The following SLC16A12 variants were observed in gnomAD, a reference collection of about 807,000 sequenced individuals.
The protein encoded by SLC16A12 is solute carrier family 16 member 12, also known as monocarboxylate transporter 12.
SLC16A12 carries 17 observed loss-of-function variants against 42.4 expected under a neutral mutation model. The ratio of observed to expected loss-of-function variants is 0.40; its 90% CI spans 0.27 to 0.60. The LOEUF (loss-of-function observed/expected upper bound fraction) is 0.60. Among genes scored for constraint, SLC16A12 ranks in the 20% least tolerant of loss-of-function variants. SLC16A12 has a pLI of 0.42. For missense variants in SLC16A12, 544 were observed against 623.0 expected, an observed-to-expected ratio of 0.87 and a Z score of 1.35; for synonymous variants, 224 against 229.4, an observed-to-expected ratio of 0.98 and a Z score of 0.21.
intron 2 of SLC16A12, among the ~76,000 whole-genome samples, chr10:89,512,744 A>G (rs1843184149): frequency 2.0e-5 from 3 of 152,134 alleles, no homozygotes; most frequent in Admixed American, 2.0e-4. Flanking sequence ...CTGCTAATCT[A>G]GTAAGTAGAT....
intron 2 of SLC16A12, among the ~76,000 whole-genome samples, chr10:89,508,044 T>C (rs111288780): frequency 0.039 from 5,886 of 152,260 alleles, 143 homozygotes; most frequent in Non-Finnish European, 0.042. Context: ...TAACTATATA[T>C]GCATCCAAAC....
chr10:89,504,619 A>G (rs1484938201), intron 2 of SLC16A12, among the ~76,000 whole-genome samples: 1 of 152,206 alleles, frequency 6.6e-6, no homozygotes, highest in African/African-American at 2.4e-5. Context: ...AAAATTACAG[A>G]ATATACAGTG....
chr10:89,521,088 G>A (rs561918319), intron 2 of SLC16A12, among the ~76,000 whole-genome samples: 1 of 152,350 alleles, frequency 6.6e-6, no homozygotes, highest in East Asian at 1.9e-4. Context: ...CTCATGGAAG[G>A]TGATATCTGT....
chr10:89,552,311 T>C (rs1843775621), intron 2 of SLC16A12, among the ~76,000 whole-genome samples: 1 of 152,250 alleles, frequency 6.6e-6, no homozygotes, highest in Non-Finnish European at 1.5e-5. Context: ...AAAGCATGTG[T>C]TATTAATACT....
intron 2 of SLC16A12, among the ~76,000 whole-genome samples, chr10:89,485,353 G>A (rs1842728715): frequency 6.6e-6 from 1 of 152,180 alleles, no homozygotes; most frequent in Admixed American, 6.5e-5. Context: ...GAAACTATGT[G>A]GCTTCAACAA....
rs1841700705 is a variant in SLC16A12, at chr10:89,431,902, G to A, written c.*1162C>T. The A allele has an allele frequency of 6.6e-6, 1 of 152,214 alleles. No individual in the cohort carries two copies. The highest frequency in any genetic ancestry group is 6.5e-5 in the Admixed American group (1 of 15,286). 9.4% of individuals were successfully genotyped at this position (152,214 alleles called of 1,614,324 possible). A position where few individuals can be genotyped will look rare whatever the true frequency, so the allele number is the denominator to read the frequency against. ...TAGATTTCTAATTATTATCTATAAAGAGATGAAGAGCAGTGGATAGTGGAA... is the reference window on the plus strand; with the variant it reads ...TAGATTTCTAATTATTATCTATAAAAAGATGAAGAGCAGTGGATAGTGGAA... On this transcript the variant is annotated 3_prime_UTR_variant, in exon 8 of 8. Coordinates refer to ENST00000371790, the MANE Select transcript of SLC16A12 (RefSeq NM_213606.4).
rs763905337 is a variant in SLC16A12, at chr10:89,436,069, G to A, written c.1279C>T (p.Pro427Ser). ...CTCTCTGGAAACTTACCTGCGATGG[G>A]TGGGCTCACCAAGTATGGCACTGCG... ...LHAVPYLVSP[P>S]IAGRLVDTTG... is the part of the protein sequence containing the mutation. Residue 427 changes from proline to serine, a missense_variant, in exon 7 of 8, where the codon CCC becomes TCC. Physicochemically the swap from Pro to Ser is moderately conservative, Grantham distance 74 (BLOSUM62 -1). Coordinates refer to ENST00000371790, the MANE Select transcript of SLC16A12 (RefSeq NM_213606.4). 6.2e-7 allele frequency: 1 copy of A among 1,613,782 alleles called. No individual in the cohort carries two copies. The highest frequency in any genetic ancestry group is 8.5e-7 in the Non-Finnish European group (1 of 1,179,816).
chr10:89,524,633 T>C (rs1344336621), intron 2 of SLC16A12, among the ~76,000 whole-genome samples: 2 of 152,212 alleles, frequency 1.3e-5, no homozygotes, highest in African/African-American at 4.8e-5. Context: ...ATGGGACTCA[T>C]TCCAATGCTG....
intron 2 of SLC16A12, among the ~76,000 whole-genome samples, chr10:89,544,432 G>C (rs113409461): frequency 6.6e-6 from 1 of 152,084 alleles, no homozygotes; most frequent in African/African-American, 2.4e-5. Flanking sequence ...GGATCAGTTC[G>C]ATCTACTGGT....
intron 2 of SLC16A12, among the ~76,000 whole-genome samples, chr10:89,529,301 G>A (rs1041948963): frequency 6.6e-6 from 1 of 151,862 alleles, no homozygotes; most frequent in Admixed American, 6.6e-5. Flanking sequence ...AGTAATTATG[G>A]CCCTAATTTA....
intron 2 of SLC16A12, among the ~76,000 whole-genome samples, chr10:89,468,983 A>AGCTGAGT (rs2133763337): frequency 6.6e-6 from 1 of 152,278 alleles, no homozygotes; most frequent in South Asian, 2.1e-4. Flanking sequence ...TACAAAAATT[A>AGCTGAGT]GCTGAGTGTA....
chr10:89,522,817 A>G (rs975674106), intron 2 of SLC16A12, among the ~76,000 whole-genome samples: 1 of 152,206 alleles, frequency 6.6e-6, no homozygotes. Flanking sequence ...GGTTGTGGAA[A>G]GAATTTAGTG....
At chr10:89,553,829 A>G (rs182907836) in intron 2 of SLC16A12, among the ~76,000 whole-genome samples, 144 of 151,866 alleles carry the variant, frequency 9.5e-4, no homozygotes, top group African/African-American at 3.4e-3. Context: ...CCCTGTCTCT[A>G]CTAAAAATAC....
At chr10:89,516,636 C>T (rs552133131) in intron 2 of SLC16A12, among the ~76,000 whole-genome samples, 16 of 152,178 alleles carry the variant, frequency 1.1e-4, no homozygotes, top group Non-Finnish European at 2.1e-4. Context: ...AACCTTTGCT[C>T]CCTCCAAACT....
chr10:89,554,875 C>A (rs1293575909), intron 2 of SLC16A12, among the ~76,000 whole-genome samples: 4 of 152,118 alleles, frequency 2.6e-5, no homozygotes, highest in African/African-American at 9.7e-5. Context: ...GTCTAAGTCC[C>A]CTTTCATCTT....
intron 2 of SLC16A12, among the ~76,000 whole-genome samples, chr10:89,548,511 G>A (rs1843753556): frequency 6.6e-6 from 1 of 151,558 alleles, no homozygotes; most frequent in African/African-American, 2.4e-5. Flanking sequence ...TCTAGTAGGA[G>A]AAATAAAAAA....
chr10:89,534,643 G>GAAAA lies in SLC16A12; in HGVS notation c.-186-4_-186-3insTTTT, dbSNP rs1843618093. 1.3e-4 allele frequency: 2 copies of GAAAA among 15,560 alleles called. No individual in the cohort carries two copies. The highest frequency in any genetic ancestry group is 1.1e-3 in the African/African-American group (2 of 1,840). 1.0% of individuals were successfully genotyped at this position (15,560 alleles called of 1,614,324 possible). A position where few individuals can be genotyped will look rare whatever the true frequency, so the allele number is the denominator to read the frequency against. On this transcript the variant is annotated splice_region_variant and splice_polypyrimidine_tract_variant and intron_variant, in intron 1 of 7. Coordinates refer to ENST00000371790, the MANE Select transcript of SLC16A12 (RefSeq NM_213606.4). ...GCCAATATGTCGAAATCCTGTATCT[G>GAAAA]CAAAAAAAAAAAAAAAAAAAAAAAA...
intron 2 of SLC16A12, among the ~76,000 whole-genome samples, chr10:89,507,761 C>T (rs1301931769): frequency 6.6e-6 from 1 of 152,030 alleles, no homozygotes; most frequent in Non-Finnish European, 1.5e-5. Context: ...GCTAAATGCC[C>T]CCAATTAAAA....
chr10:89,481,718 A>T (rs1842667022), intron 2 of SLC16A12, among the ~76,000 whole-genome samples: 2 of 151,344 alleles, frequency 1.3e-5, no homozygotes, highest in African/African-American at 2.4e-5. Flanking sequence ...ACAAAAAAAA[A>T]TGTATTCCAG....
Sources: allele counts gnomAD v4.1 joint callset (sites outside exome capture counted in the v4.1 genomes callset), GRCh38; gene constraint gnomAD v4.1.1; transcripts MANE v1.5; gene names NCBI Gene and HGNC (gene_info 2026-07-23, HGNC 2026-07-21).